Variants in PUS7L observed in about 807,000 individuals in gnomAD.
PUS7L encodes pseudouridine synthase 7 like.
Under a neutral mutation model 51.1 loss-of-function variants are expected in PUS7L, and 49 were observed. The ratio of observed to expected loss-of-function variants is 0.96; its 90% CI spans 0.76 to 1.22. The LOEUF (loss-of-function observed/expected upper bound fraction) is 1.22. PUS7L is among the 50% of genes most tolerant of loss of function. The pLI is 0.00. For missense variants in PUS7L, 828 were observed against 820.6 expected (o/e 1.01, Z -0.11); for synonymous variants, 277 against 276.2 (o/e 1.00, Z -0.03).
intron 1 of PUS7L, chr12:43,758,511 C>T: frequency 1.0e-6 from 1 of 985,830 alleles, no homozygotes; most frequent in Non-Finnish European, 1.2e-6. Context: ...CCCTCCAGCA[C>T]GTCCAAAGGT....
chr12:43,738,476 TA>T, intron 5 of PUS7L, 85 bp from the exon 6 acceptor site: 1 of 735,890 alleles, frequency 1.4e-6, no homozygotes, highest in South Asian at 1.6e-5. Flanking sequence ...TCTAGCATCC[TA>T]AAAGAATAGG....
chr12:43,732,528 T>C (rs895453904), intron 7 of PUS7L, among the ~76,000 whole-genome samples: 14 of 152,048 alleles, frequency 9.2e-5, no homozygotes, highest in African/African-American at 1.9e-4. Flanking sequence ...AGGTGTCACA[T>C]ACAAGAGGAA....
intron 5 of PUS7L, chr12:43,738,899 C>T: frequency 4.0e-6 from 1 of 247,344 alleles, no homozygotes; most frequent in Admixed American, 4.1e-5. Flanking sequence ...AACTGAGCCC[C>T]TTCTGGCCTA....
At chr12:43,742,388 A>G (rs2137705150) in intron 5 of PUS7L, 69 bp downstream of exon 5, 1 of 1,061,918 alleles carries the variant, frequency 9.4e-7, no homozygotes, top group East Asian at 2.4e-5. Flanking sequence ...TTAAGAAAGC[A>G]AGGAGCTGGG....
rs1938649856 is a variant in PUS7L at position 43,755,285 on chromosome 12, G to A, written c.-16-24C>T. The A allele has an allele frequency of 2.1e-6, 3 of 1,430,890 alleles. No homozygotes were observed. The South Asian group carries it at 4.3e-5, about 20-fold the overall frequency. 88.6% of individuals were successfully genotyped at this position (1,430,890 alleles called of 1,614,324 possible). A position where few individuals can be genotyped will look rare whatever the true frequency, so the allele number is the denominator to read the frequency against. On this transcript the variant is annotated intron_variant, in intron 1 of 8. Coordinates refer to ENST00000344862, the MANE Select transcript of PUS7L (RefSeq NM_031292.5). ...GCCTAGAAAACAAAACAAAGAGGTGGTTAGTTAACAGAAAGAGAAGTTATG... is the reference window on the plus strand; with the variant it reads ...GCCTAGAAAACAAAACAAAGAGGTGATTAGTTAACAGAAAGAGAAGTTATG...
At chr12:43,755,910 A>C (rs977897862) in intron 1 of PUS7L, among the ~76,000 whole-genome samples, 1 of 152,158 alleles carries the variant, frequency 6.6e-6, no homozygotes, top group East Asian at 1.9e-4. Flanking sequence ...GACAGAAGAA[A>C]CCCTTACAGA....
At position 43,754,339 on chromosome 12, in the gene PUS7L, T is replaced by C. The variant is rs1390742024; in HGVS notation, c.907A>G (p.Thr303Ala). The C allele has an allele frequency of 3.2e-6, 5 of 1,562,128 alleles. No homozygotes were observed. In the South Asian group the frequency reaches 4.7e-5, roughly 15 times the overall value. Residue 303 changes from threonine to alanine, a missense_variant, in exon 2 of 9, where the codon ACA becomes GCA. By Grantham distance (58) the Thr-to-Ala change is moderately conservative (BLOSUM62 0). Transcript: ENST00000344862. ...GGATGATGATTTATTAAATTACCTG[T>C]ATATATAACTTTTCCTTCTTGGCAT... The part of the protein sequence containing the change: ...SECQEGKVIY[T>A]AFTLRKENLE...
At chr12:43,740,020 G>T (rs74085317) in intron 5 of PUS7L, among the ~76,000 whole-genome samples, 1 of 151,980 alleles carries the variant, frequency 6.6e-6, no homozygotes, top group African/African-American at 2.4e-5. Context: ...GCAAGCAGAG[G>T]GGAATGGCAA....
rs779008996 is a variant in PUS7L, at chr12:43,728,925, C to T, written c.*1451G>A. The T allele has an allele frequency of 6.7e-5, 18 of 266,820 alleles. No homozygotes were observed. The highest frequency in any genetic ancestry group is 4.3e-4 in the East Asian group (7 of 16,360). The allele number at this position is 266,820 out of a possible 1,614,324, so 16.5% of individuals were successfully genotyped here. A position where few individuals can be genotyped will look rare whatever the true frequency, so the allele number is the denominator to read the frequency against. On this transcript the variant is annotated 3_prime_UTR_variant, in exon 9 of 9. Coordinates refer to ENST00000344862, the MANE Select transcript of PUS7L (RefSeq NM_031292.5). ...ACTTTCCCAAGGCTGCAGTGCTATA[C>T]GTGGCAGTGCCAGGGTTCAAACTGG...
chr12:43,723,687 T>C lies in PUS7L; in HGVS notation c.*6689A>G, dbSNP rs1944422595. 1 of 152,136 alleles carries C rather than the reference T, an allele frequency of 6.6e-6. No individual in the cohort carries two copies. The highest frequency in any genetic ancestry group is 1.5e-5 in the Non-Finnish European group (1 of 67,954). The allele number at this position is 152,136 out of a possible 1,614,324, so 9.4% of individuals were successfully genotyped here. A position where few individuals can be genotyped will look rare whatever the true frequency, so the allele number is the denominator to read the frequency against. ...GTAGAGTACCTTTCACTTATTCAAA[T>C]ATTTGTTGGTTATTATGCCATATAT... On this transcript the variant is annotated 3_prime_UTR_variant, in exon 9 of 9. Transcript: ENST00000344862.
intron 5 of PUS7L, chr12:43,738,835 C>A: frequency 3.2e-6 from 1 of 310,782 alleles, no homozygotes. Flanking sequence ...AGGTTCTTAA[C>A]AACCCACCAG....
At position 43,742,558 on chromosome 12, in the gene PUS7L, A is replaced by G; in HGVS notation, c.1264-3T>C. On this transcript the variant is annotated splice_polypyrimidine_tract_variant and splice_region_variant and intron_variant, in intron 4 of 8. Transcript: ENST00000344862. ...TAGTAATTCACAAAGCCTTTTTTCT[A>G]TGTATACAAAATAATCAACAAATTA... The G allele has an allele frequency of 3.1e-6, 5 of 1,589,780 alleles. No individual in the cohort carries two copies. The highest frequency in any genetic ancestry group is 1.7e-6 in the Non-Finnish European group (2 of 1,169,654).
At chr12:43,732,024 T>C (rs907682525) in intron 7 of PUS7L, among the ~76,000 whole-genome samples, 1 of 152,212 alleles carries the variant, frequency 6.6e-6, no homozygotes, top group Non-Finnish European at 1.5e-5. Flanking sequence ...TACTTTCACC[T>C]CAATCACCAG....
chr12:43,730,423 A>G lies in PUS7L; in HGVS notation c.2059T>C (p.Cys687Arg). 1 of 1,613,838 alleles carries G rather than the reference A, an allele frequency of 6.2e-7. No homozygotes were observed. The highest frequency in any genetic ancestry group is 2.2e-5 in the East Asian group (1 of 44,836). ...LLISFDLDAS[C>R]YATVCLKEIM... ...TCCTTCAGACAAACGGTAGCATAGC[A>G]TGAAGCATCAAGATCAAAAGAGATC... The change falls in exon 9 of 9, where the codon TGC (cysteine) becomes CGC (arginine). Residue 687 changes from cysteine to arginine, a missense_variant. Physicochemically the swap from Cys to Arg is radical, Grantham distance 180 (BLOSUM62 -3). Transcript: ENST00000344862.
At position 43,726,894 on chromosome 12, in the gene PUS7L, T is replaced by C. The variant is rs576158465; in HGVS notation, c.*3482A>G. On this transcript the variant is annotated 3_prime_UTR_variant, in exon 9 of 9. Transcript: ENST00000344862. ...ATAGCTTCTGCACAGCCAAAGAAAC[T>C]ATCAACAGAGTAAACTGACAATCTA... The C allele has an allele frequency of 2.0e-5, 3 of 151,468 alleles. No homozygotes were observed. The South Asian group carries it at 6.2e-4, about 31-fold the overall frequency. 9.4% of individuals were successfully genotyped at this position (151,468 alleles called of 1,614,324 possible). A position where few individuals can be genotyped will look rare whatever the true frequency, so the allele number is the denominator to read the frequency against.
chr12:43,724,894 A>T lies in PUS7L; in HGVS notation c.*5482T>A, dbSNP rs1281849541. On this transcript the variant is annotated 3_prime_UTR_variant, in exon 9 of 9. Transcript: ENST00000344862. ...AAAGGAAACATAATACCATCACATA[A>T]ACAGGAAGCCAGAATTGATTACCAT... is the stretch of plus-strand genomic sequence containing the variant. 1 of 152,246 alleles carries T rather than the reference A, an allele frequency of 6.6e-6. No homozygotes were observed. Among genetic ancestry groups the T allele is most frequent in the Non-Finnish European group, 1.5e-5 (1 of 68,032 alleles). The allele number at this position is 152,246 out of a possible 1,614,324, so 9.4% of individuals were successfully genotyped here. A position where few individuals can be genotyped will look rare whatever the true frequency, so the allele number is the denominator to read the frequency against.
In PUS7L at chr12:43,747,321, CAT is replaced by C. The variant is rs1592174595; in HGVS notation, c.1071-1085_1071-1084del. Among the ~76,000 whole-genome samples the C allele has an allele frequency of 2.0e-5, 3 of 152,146 alleles. No homozygotes were observed. The East Asian group carries it at 5.8e-4, about 29-fold the overall frequency. On this transcript the variant is annotated intron_variant, in intron 3 of 8. Transcript: ENST00000344862. ...ATGATAGACATAATTTATTTCATGACATAAATTTTCATCTAACAATATTATTT... is the reference window on the plus strand; with the variant it reads ...ATGATAGACATAATTTATTTCATGACAAATTTTCATCTAACAATATTATTT...
intron 7 of PUS7L, among the ~76,000 whole-genome samples, chr12:43,734,971 C>T (rs1032008675): frequency 2.6e-5 from 4 of 152,068 alleles, no homozygotes; most frequent in Admixed American, 2.6e-4. Context: ...AATGAATTTC[C>T]TTGCATGATT....
In PUS7L at chr12:43,742,643, A is replaced by G. The variant is rs1425567738; in HGVS notation, c.1264-88T>C. 15 of 1,446,592 alleles carry G rather than the reference A, an allele frequency of 1.0e-5. No individual in the cohort carries two copies. The East Asian group carries it at 3.8e-4, about 37-fold the overall frequency. The allele number at this position is 1,446,592 out of a possible 1,614,324, so 89.6% of individuals were successfully genotyped here. On this transcript the variant is annotated intron_variant, in intron 4 of 8. Coordinates refer to ENST00000344862, the MANE Select transcript of PUS7L (RefSeq NM_031292.5). ...CAATTGAATTTTTCTCTTCATAATT[A>G]TTTTAACAGAATAACTCTGTAATCA...
Sources: allele counts gnomAD v4.1 joint callset (sites outside exome capture counted in the v4.1 genomes callset), GRCh38; gene constraint gnomAD v4.1.1; transcripts MANE v1.5; gene names NCBI Gene and HGNC (gene_info 2026-07-23, HGNC 2026-07-21).